Variants in KIF7 observed in about 807,000 individuals in gnomAD.
KIF7 encodes kinesin family member 7, also known as kinesin-like protein KIF7.
Under a neutral mutation model 135.7 loss-of-function variants are expected in KIF7, and 104 were observed. The observed-to-expected ratio is 0.77, with a 90% CI of 0.65 to 0.90. The LOEUF (loss-of-function observed/expected upper bound fraction) is 0.90. Among genes scored for constraint, KIF7 ranks in the 40% least tolerant of loss-of-function variants. KIF7 has a pLI of 0.00. For synonymous variants in KIF7, 883 were observed against 809.4 expected, an observed-to-expected ratio of 1.09 and a Z score of -1.54; for missense variants, 2,005 against 1,839.1, an observed-to-expected ratio of 1.09 and a Z score of -1.65.
At chr15:89,624,901 G>A (rs1327406910), downstream of KIF7, 1 of 1,614,092 alleles carries the variant, frequency 6.2e-7, no homozygotes, top group Non-Finnish European at 8.5e-7. Flanking sequence ...TACCACAGAT[G>A]GGAGACAGTG....
intron 11 of KIF7, among the ~76,000 whole-genome samples, chr15:89,638,672 A>C (rs1426700063): frequency 2.0e-5 from 3 of 150,882 alleles, no homozygotes; most frequent in Non-Finnish European, 4.5e-5. Flanking sequence ...AGAACATTCC[A>C]TGCTCATGGG....
Position 89,628,435 on chromosome 15 carries a change from C to T in KIF7, c.4016G>A (p.Arg1339Gln), listed in dbSNP as rs747829509. 1.2e-5 allele frequency: 20 copies of T among 1,606,116 alleles called. No individual in the cohort carries two copies. The highest frequency in any genetic ancestry group is 3.4e-5 in the Admixed American group (2 of 59,224). ...RRASPGMIDV[R>Q]KNPL ...CCCGAGGGCTTACAGGGGGTTTTTC[C>T]GGACATCAATCATCCCCGGGCTGGC... Residue 1339 changes from arginine (R) to glutamine (Q), a missense_variant, in exon 19 of 19, where the codon CGG (arginine) becomes CAG (glutamine). Arg to Gln is a conservative substitution (Grantham distance 43). Transcript: ENST00000394412.
chr15:89,632,706 A>G (rs1291644300), intron 14 of KIF7, 114 bp downstream of exon 14: 1 of 1,154,554 alleles, frequency 8.7e-7, no homozygotes, highest in East Asian at 2.5e-5. Flanking sequence ...TCACTTTGCT[A>G]GACCTCACCT....
At chr15:89,620,684 C>G (rs772209471) in intron 1 of KIF7, among the ~76,000 whole-genome samples, 1 of 152,040 alleles carries the variant, frequency 6.6e-6, no homozygotes, top group African/African-American at 2.4e-5. Flanking sequence ...TGCCTTCTTT[C>G]TTTTATGAAC....
At chr15:89,634,977 C>T (rs570952626) in intron 11 of KIF7, among the ~76,000 whole-genome samples, 69 of 152,308 alleles carry the variant, frequency 4.5e-4, no homozygotes, top group Non-Finnish European at 7.6e-4. Flanking sequence ...CAGCTGGAGA[C>T]CTGAGAACAG....
chr15:89,619,938 G>T, intron 1 of KIF7: 1 of 1,441,708 alleles, frequency 6.9e-7, no homozygotes. Context: ...TTTCTTTCTT[G>T]ACATTGGAGA....
intron 15 of KIF7, chr15:89,631,007 C>G: frequency 4.6e-6 from 1 of 218,736 alleles, no homozygotes; most frequent in South Asian, 7.4e-5. Context: ...ATTTGTGTAT[C>G]TAAACATAGA....
chr15:89,632,214 G>T (rs548817780), intron 14 of KIF7, among the ~76,000 whole-genome samples: 2 of 152,304 alleles, frequency 1.3e-5, no homozygotes, highest in African/African-American at 4.8e-5. Context: ...GACACTGGGC[G>T]TGTGGCCCAA....
Position 89,629,454 on chromosome 15 carries a change from G to A in KIF7, c.3438C>T (p.Arg1146=). ...GGGTCAGCTGGCGGTCCATCTCCAG[G>A]CGCTGCCGCTCCAGGGCCACCTCCA... ...YWLEVALERQ[R]LEMDRQLTLQ... Residue 1146 remains arginine, a synonymous_variant, in exon 17 of 19, where the codon CGC becomes CGT. Coordinates refer to ENST00000394412, the MANE Select transcript of KIF7 (RefSeq NM_198525.3). 6.2e-7 allele frequency: 1 copy of A among 1,609,598 alleles called. No homozygotes were observed. The highest frequency in any genetic ancestry group is 1.1e-5 in the South Asian group (1 of 91,080).
In KIF7 at chr15:89,628,598, C is replaced by CA. The variant is rs2141991300; in HGVS notation, c.3852dup (p.Glu1285Ter). On this transcript the variant is annotated frameshift_variant, in exon 19 of 19. Coordinates refer to ENST00000394412, the MANE Select transcript of KIF7 (RefSeq NM_198525.3). LOFTEE classifies it low-confidence loss of function (END_TRUNC). ...AGTTCCTCGGGGGACCCCTGCTCCT[C>CA]ACCACACAGGCTCGAGCGTTTCCAG... 1 of 1,613,552 alleles carries CA rather than the reference C, an allele frequency of 6.2e-7. No homozygotes were observed. The highest frequency in any genetic ancestry group is 1.1e-5 in the South Asian group (1 of 91,086).
downstream of KIF7, chr15:89,627,257 C>T (rs970595766): frequency 6.5e-6 from 5 of 763,934 alleles, no homozygotes; most frequent in Admixed American, 1.2e-4. Flanking sequence ...ATCTCCTGGC[C>T]CTGCCCCTTG....
rs201789358 is a variant in KIF7, at chr15:89,642,379, G to C, written c.2218C>G (p.Gln740Glu). ...AGCTCCCGGATACGCTGGCTGTGCT[G>C]GCGGTTCAGGGCCTGAGCTGCCTTT... ...TGKAAQALNR[Q>E]HSQRIRELEQ... The change falls in exon 11 of 19, where the codon CAG (glutamine) becomes GAG (glutamate). Residue 740 changes from glutamine (Q) to glutamate (E), a missense_variant. Gln to Glu is a conservative substitution (Grantham distance 29, BLOSUM62 2). Transcript: ENST00000394412. 6.2e-7 allele frequency: 1 copy of C among 1,605,590 alleles called. No individual in the cohort carries two copies. Among genetic ancestry groups the C allele is most frequent in the Non-Finnish European group, 8.5e-7 (1 of 1,176,832 alleles).
chr15:89,649,979 G>C (rs2142032417), intron 2 of KIF7, 38 bp from the exon 3 acceptor site: 1 of 1,541,214 alleles, frequency 6.5e-7, no homozygotes, highest in African/African-American at 1.4e-5. Flanking sequence ...CACTTCAGCT[G>C]GACACGGCCC....
intron 11 of KIF7, among the ~76,000 whole-genome samples, chr15:89,635,014 T>C (rs1256142083): frequency 6.6e-6 from 1 of 152,240 alleles, no homozygotes; most frequent in Non-Finnish European, 1.5e-5. Flanking sequence ...AGTGGGTTCC[T>C]GACCCCTGAC....
chr15:89,629,345 G>A (rs774236347), intron 17 of KIF7, 30 bp downstream of exon 17: 1 of 1,550,364 alleles, frequency 6.5e-7, no homozygotes, highest in Non-Finnish European at 8.7e-7. Flanking sequence ...GAGGGGGCCG[G>A]GGTTGTGAGC....
chr15:89,647,549 ATCC>A (rs767404774), intron 6 of KIF7, 44 bp downstream of exon 6: 2 of 1,523,124 alleles, frequency 1.3e-6, no homozygotes, highest in Admixed American at 3.3e-5. Context: ...CCTTCCCTTC[ATCC>A]TCCTCTGGGA....
intron 1 of KIF7, among the ~76,000 whole-genome samples, chr15:89,620,486 G>A (rs2350679): frequency 2.0e-5 from 3 of 152,146 alleles, no homozygotes; most frequent in Admixed American, 6.5e-5. Flanking sequence ...GGGATTACAA[G>A]TGTGAGCCAC....
At chr15:89,661,739 GA>G in the KIF7 span, among the ~76,000 whole-genome samples, 4 of 138,904 alleles carry the variant, frequency 2.9e-5, no homozygotes, top group Non-Finnish European at 6.2e-5. Flanking sequence ...TTTTTTTTTT[GA>G]GATGGAGTTT....
At chr15:89,622,151 A>G (rs985237886) in intron 1 of KIF7, among the ~76,000 whole-genome samples, 1 of 151,864 alleles carries the variant, frequency 6.6e-6, no homozygotes, top group African/African-American at 2.4e-5. Context: ...ACGCCCAACT[A>G]ATTTTTGTGC....
Sources: gnomAD v4.1 joint callset for allele counts (sites outside exome capture counted in the v4.1 genomes callset) on GRCh38, gnomAD v4.1.1 for gene constraint, MANE v1.5 for transcripts, NCBI Gene and HGNC (gene_info 2026-07-23, HGNC 2026-07-21) for gene names.